FAM47E: variants seen among roughly 807,000 people sequenced by gnomAD.
FAM47E encodes the protein family with sequence similarity 47 member E, also known as protein FAM47E.
Under a neutral mutation model 41.6 loss-of-function variants are expected in FAM47E, and 32 were observed. The observed-to-expected ratio is 0.77, with a 90% CI of 0.58 to 1.03. The LOEUF (loss-of-function observed/expected upper bound fraction) is 1.03. Among genes scored for constraint, FAM47E ranks in the 50% least tolerant of loss-of-function variants. FAM47E has a pLI of 0.00. For synonymous variants in FAM47E, 184 were observed against 188.7 expected, an observed-to-expected ratio of 0.98 and a Z score of 0.20; for missense variants, 424 against 485.4, an observed-to-expected ratio of 0.87 and a Z score of 1.19.
At chr4:76,235,211 G>A (rs1337645994) in intron 2 of FAM47E, among the ~76,000 whole-genome samples, 1 of 152,070 alleles carries the variant, frequency 6.6e-6, no homozygotes, top group Non-Finnish European at 1.5e-5. Context: ...CCAGGTACTC[G>A]GGAGACTGAG....
intron 2 of FAM47E, chr4:76,234,554 C>G (rs952344734): frequency 6.6e-6 from 1 of 152,190 alleles, no homozygotes; most frequent in Non-Finnish European, 1.5e-5. Flanking sequence ...GTGAGGCGGC[C>G]AGGCTCCTCC....
rs148865172 is a variant in FAM47E, at chr4:76,223,935, G to A, written c.81+6247G>A. On this transcript the variant is annotated intron_variant, in intron 2 of 7. Transcript: ENST00000510197. ...TTGGGCTGCTACCCTATCCCTGAGC[G>A]ATGTGTGACACAGTCATGCTGTCTT... Among the ~76,000 whole-genome samples, 111 of 152,254 alleles carry A rather than the reference G, an allele frequency of 7.3e-4. 1 individual carries two copies. The highest frequency in any genetic ancestry group is 2.6e-3 in the African/African-American group (106 of 41,550).
upstream of FAM47E, among the ~76,000 whole-genome samples, chr4:76,249,052 C>CTATTTT (rs1237122226): frequency 6.6e-6 from 1 of 151,942 alleles, no homozygotes; most frequent in Non-Finnish European, 1.5e-5. Context: ...CATGGTGAAA[C>CTATTTT]TCCCATCTCT....
intron 2 of FAM47E, among the ~76,000 whole-genome samples, chr4:76,241,366 G>A (rs1239653857): frequency 6.6e-6 from 1 of 152,132 alleles, no homozygotes. Flanking sequence ...ACAATGGGGG[G>A]GAAGGTGCAA....
intron 2 of FAM47E, among the ~76,000 whole-genome samples, chr4:76,257,925 T>C (rs1337717380): frequency 6.6e-6 from 1 of 151,674 alleles, no homozygotes; most frequent in Non-Finnish European, 1.5e-5. Context: ...ATAAATAATT[T>C]TGAATGAATG....
At chr4:76,247,061 A>G (rs1301457671), upstream of FAM47E, among the ~76,000 whole-genome samples, 3 of 152,060 alleles carry the variant, frequency 2.0e-5, no homozygotes, top group Non-Finnish European at 4.4e-5. Context: ...AAATTTTTTC[A>G]TCATCCTCCA....
At chr4:76,249,850 G>T (rs1367608018), upstream of FAM47E, among the ~76,000 whole-genome samples, 1 of 151,958 alleles carries the variant, frequency 6.6e-6, no homozygotes, top group Non-Finnish European at 1.5e-5. Flanking sequence ...TTCCATCCAA[G>T]TTGCTACTAA....
At chr4:76,240,631 A>G (rs1022503199) in intron 2 of FAM47E, among the ~76,000 whole-genome samples, 8 of 151,916 alleles carry the variant, frequency 5.3e-5, no homozygotes, top group African/African-American at 1.9e-4. Flanking sequence ...CCTTTCTTCA[A>G]GTTTGTTGAT....
intron 2 of FAM47E, among the ~76,000 whole-genome samples, chr4:76,241,360 T>TG (rs1010917592): frequency 5.9e-5 from 9 of 151,932 alleles, no homozygotes; most frequent in Non-Finnish European, 1.0e-4. Flanking sequence ...TTTGCCACAA[T>TG]GGGGGGGAAG....
Position 76,278,227 on chromosome 4 carries a change from A to G in FAM47E, c.1026+3A>G, listed in dbSNP as rs1735209502. On this transcript the variant is annotated splice_donor_region_variant and intron_variant, in intron 6 of 7. Transcript: ENST00000424749. Reference sequence around the variant, plus strand: ...TTAAAAAGGAGCTGCAGGAACAGGTATGTATTTATACTGAGATTTGATCAT... The same window carrying G: ...TTAAAAAGGAGCTGCAGGAACAGGTGTGTATTTATACTGAGATTTGATCAT... 2 of 1,531,366 alleles carry G rather than the reference A, an allele frequency of 1.3e-6. No individual in the cohort carries two copies. Among genetic ancestry groups the G allele is most frequent in the Non-Finnish European group, 1.8e-6 (2 of 1,140,648 alleles). The allele number at this position is 1,531,366 out of a possible 1,614,324, so 94.9% of individuals were successfully genotyped here.
intron 2 of FAM47E, among the ~76,000 whole-genome samples, chr4:76,244,852 G>A (rs903257461): frequency 2.0e-5 from 3 of 149,146 alleles, no homozygotes; most frequent in African/African-American, 7.6e-5. Flanking sequence ...ATTAAGTGTT[G>A]ACATATGTTT....
At chr4:76,255,056 C>T (rs1046231117) in intron 1 of FAM47E, among the ~76,000 whole-genome samples, 4 of 152,162 alleles carry the variant, frequency 2.6e-5, no homozygotes, top group Admixed American at 2.6e-4. Context: ...CCAATTGGGG[C>T]TCCTTGGATA....
In FAM47E at chr4:76,283,445, G is replaced by A. The variant is rs375654215; in HGVS notation, c.1169G>A (p.Arg390Gln). Residue 390 changes from arginine to glutamine, a missense_variant, in exon 8 of 8, where the codon CGA (arginine) becomes CAA (glutamine). By Grantham distance (43) the Arg-to-Gln change is conservative. Coordinates refer to ENST00000424749, the MANE Select transcript of FAM47E (RefSeq NM_001136570.3). ...GCATGTAATAAGACTCCTATAAAAC[G>A]AACTCAAGCATAGAAGAATCGTAGG... is the stretch of plus-strand genomic sequence containing the variant. The part of the protein sequence containing the change: ...KRACNKTPIK[R>Q]TQA 1.4e-5 allele frequency: 21 copies of A among 1,539,986 alleles called. No individual in the cohort carries two copies. The highest frequency in any genetic ancestry group is 5.9e-5 in the Admixed American group (3 of 50,938).
At chr4:76,230,747 C>G (rs1437261399) in intron 2 of FAM47E, among the ~76,000 whole-genome samples, 1 of 152,154 alleles carries the variant, frequency 6.6e-6, no homozygotes, top group Non-Finnish European at 1.5e-5. Flanking sequence ...ATGACTTACA[C>G]TCATGAAGCA....
At chr4:76,240,121 T>C (rs1223308499) in intron 2 of FAM47E, among the ~76,000 whole-genome samples, 1 of 152,242 alleles carries the variant, frequency 6.6e-6, no homozygotes, top group Non-Finnish European at 1.5e-5. Context: ...GTGGTAAGTT[T>C]TGAAACAAAG....
chr4:76,242,784 A>G (rs1191513583), intron 2 of FAM47E, among the ~76,000 whole-genome samples: 1 of 152,242 alleles, frequency 6.6e-6, no homozygotes, highest in Non-Finnish European at 1.5e-5. Context: ...TGTTAAAATC[A>G]TATTTTTTAT....
At chr4:76,220,556 G>A (rs1733289736) in intron 2 of FAM47E, among the ~76,000 whole-genome samples, 1 of 152,208 alleles carries the variant, frequency 6.6e-6, no homozygotes, top group South Asian at 2.1e-4. Context: ...GAGTCCAGGA[G>A]TTCAAGGCTG....
At chr4:76,270,896 C>T (rs1173710651) in intron 4 of FAM47E, among the ~76,000 whole-genome samples, 1 of 152,168 alleles carries the variant, frequency 6.6e-6, no homozygotes, top group Non-Finnish European at 1.5e-5. Context: ...TTTGCCTGTA[C>T]TTGTCCCTTT....
chr4:76,268,749 G>A lies in FAM47E; in HGVS notation c.650G>A (p.Arg217His), dbSNP rs199912371. ...KMDLLHENGPRPGLHENGISD... is the reference protein window; with the variant it reads ...KMDLLHENGPHPGLHENGISD... ...GATTTGCTCCATGAAAATGGTCCTC[G>A]TCCTGGTCTTCATGAAAATGTATGC... Residue 217 changes from arginine to histidine, a missense_variant, in exon 4 of 8, where the codon CGT becomes CAT. By Grantham distance (29) the Arg-to-His change is conservative. Transcript: ENST00000424749. The A allele has an allele frequency of 1.4e-5, 22 of 1,551,444 alleles. No individual in the cohort carries two copies. The East Asian group carries it at 3.9e-4, about 28-fold the overall frequency.
Sources: gnomAD v4.1 joint callset for allele counts (sites outside exome capture counted in the v4.1 genomes callset) on GRCh38, gnomAD v4.1.1 for gene constraint, MANE v1.5 for transcripts, NCBI Gene and HGNC (gene_info 2026-07-23, HGNC 2026-07-21) for gene names.